Variants in MSH3 observed in about 807,000 individuals in gnomAD.
MSH3 encodes the protein mutS homolog 3.
In MSH3, 106 loss-of-function variants were observed where a neutral mutation model predicts 123.3. The ratio of observed to expected loss-of-function variants is 0.86; its 90% confidence interval spans 0.73 to 1.01. MSH3 has a LOEUF of 1.01. MSH3 is among the 50% of genes least tolerant of loss of function. The probability of loss-of-function intolerance (pLI) is 0.00; values close to 1 mark genes in which losing one functional copy is unlikely to be tolerated. For synonymous variants in MSH3, 515 were observed against 481.4 expected, an observed-to-expected ratio of 1.07 and a Z score of -0.91; for missense variants, 1,459 against 1,347.6, an observed-to-expected ratio of 1.08 and a Z score of -1.29.
At chr5:80,670,392 C>T in intron 4 of MSH3, 83 bp downstream of exon 4, 1 of 1,379,026 alleles carries the variant, frequency 7.3e-7, no homozygotes, top group East Asian at 2.4e-5. Flanking sequence ...CATTTTCTGA[C>T]CTTATATAAA....
chr5:80,765,736 A>G (rs1163125581), intron 13 of MSH3, among the ~76,000 whole-genome samples: 3 of 151,746 alleles, frequency 2.0e-5, no homozygotes, highest in African/African-American at 7.3e-5. Flanking sequence ...GATTCCCTTT[A>G]CTTCCCTTGA....
At position 80,876,105 on chromosome 5, in the gene MSH3, G is replaced by C. The variant is rs1338088813; in HGVS notation, c.*243G>C. 2 of 486,058 alleles carry C rather than the reference G, an allele frequency of 4.1e-6. No homozygotes were observed. The highest frequency in any genetic ancestry group is 7.3e-6 in the Non-Finnish European group (2 of 274,270). 30.1% of individuals were successfully genotyped at this position (486,058 alleles called of 1,614,324 possible). A position where few individuals can be genotyped will look rare whatever the true frequency, so the allele number is the denominator to read the frequency against. On this transcript the variant is annotated 3_prime_UTR_variant, in exon 24 of 24. Transcript: ENST00000265081. ...CACTTTGTAATTAGAAAATTTTATG[G>C]ACAGTAAGTCCAGTAAAGCCTTAAG...
chr5:80,783,701 G>A (rs1351394322), intron 17 of MSH3, among the ~76,000 whole-genome samples: 1 of 152,090 alleles, frequency 6.6e-6, no homozygotes, highest in Non-Finnish European at 1.5e-5. Context: ...ACCTGGGCAG[G>A]ACCTGAGAAG....
intron 21 of MSH3, among the ~76,000 whole-genome samples, chr5:80,856,154 G>A (rs55928960): frequency 0.13 from 19,106 of 151,890 alleles, 1,531 homozygotes; most frequent in East Asian, 0.35. Context: ...CAAAGTTCTG[G>A]GATTATAGGC....
At chr5:80,740,219 ATT>A (rs1218130373) in intron 10 of MSH3, among the ~76,000 whole-genome samples, 1 of 152,222 alleles carries the variant, frequency 6.6e-6, no homozygotes, top group Non-Finnish European at 1.5e-5. Flanking sequence ...TCTTTTTGAA[ATT>A]TATTGAACTT....
chr5:80,805,998 C>T (rs1744883770), intron 19 of MSH3, among the ~76,000 whole-genome samples: 1 of 152,166 alleles, frequency 6.6e-6, no homozygotes, highest in Non-Finnish European at 1.5e-5. Context: ...GAAATTATTT[C>T]AATCCCTGAG....
intron 8 of MSH3, among the ~76,000 whole-genome samples, chr5:80,725,158 G>A (rs1411702411): frequency 6.8e-6 from 1 of 146,968 alleles, no homozygotes; most frequent in Admixed American, 6.9e-5. Flanking sequence ...AGCTTGCAGT[G>A]AGCTGAGATT....
intron 2 of MSH3, among the ~76,000 whole-genome samples, 196 bp downstream of exon 2, chr5:80,656,727 C>G (rs553634223): frequency 1.3e-5 from 2 of 152,158 alleles, no homozygotes; most frequent in Non-Finnish European, 2.9e-5. Context: ...AGCTACAATT[C>G]TGCAATTTAG....
intron 12 of MSH3, among the ~76,000 whole-genome samples, chr5:80,751,687 G>A (rs770853909): frequency 1.3e-5 from 2 of 152,090 alleles, no homozygotes; most frequent in Non-Finnish European, 2.9e-5. Flanking sequence ...TATTGGATTA[G>A]GGGTCTACCC....
intron 2 of MSH3, among the ~76,000 whole-genome samples, chr5:80,661,768 C>T (rs1749439759): frequency 6.6e-6 from 1 of 152,158 alleles, no homozygotes; most frequent in African/African-American, 2.4e-5. Context: ...GTGTTGTCTC[C>T]TGCTGGAGTT....
At chr5:80,777,342 G>T (rs1744324397) in intron 16 of MSH3, among the ~76,000 whole-genome samples, 1 of 151,824 alleles carries the variant, frequency 6.6e-6, no homozygotes, top group Admixed American at 6.6e-5. Context: ...GTTGATTCTA[G>T]GGGATGTTTT....
intron 20 of MSH3, among the ~76,000 whole-genome samples, chr5:80,824,316 G>A (rs1454105949): frequency 4.6e-5 from 7 of 151,586 alleles, no homozygotes; most frequent in Admixed American, 6.6e-5. Context: ...GCGGCTGGGC[G>A]GAGGCGCCCC....
chr5:80,710,039 C>T (rs1283551651), intron 8 of MSH3, among the ~76,000 whole-genome samples: 5 of 152,226 alleles, frequency 3.3e-5, no homozygotes, highest in African/African-American at 9.7e-5. Flanking sequence ...CACTTCTTTT[C>T]CTTTGAGCAC....
In MSH3 at chr5:80,672,767, T is replaced by C. The variant is rs747974815; in HGVS notation, c.936T>C (p.Thr312=). ...TGGGAGTTGTGAAGCAAACTGAAACTGCAGCATTAAAGGCCATTGGAGACA... is the reference window on the plus strand; with the variant it reads ...TGGGAGTTGTGAAGCAAACTGAAACCGCAGCATTAAAGGCCATTGGAGACA... ...YKVGVVKQTE[T]AALKAIGDNR... is the part of the protein sequence containing the mutation. Residue 312 remains threonine (T), a synonymous_variant, in exon 6 of 24, where the codon ACT becomes ACC. Coordinates refer to ENST00000265081, the MANE Select transcript of MSH3 (RefSeq NM_002439.5). 1 of 1,614,152 alleles carries C rather than the reference T, an allele frequency of 6.2e-7. No individual in the cohort carries two copies. Among genetic ancestry groups the C allele is most frequent in the Admixed American group, 1.7e-5 (1 of 60,022 alleles).
chr5:80,693,618 CACAT>C (rs1022958232), intron 8 of MSH3, among the ~76,000 whole-genome samples: 15 of 97,752 alleles, frequency 1.5e-4, no homozygotes, highest in Non-Finnish European at 2.4e-4. Flanking sequence ...TATACACACA[CACAT>C]ATACACACAC....
At chr5:80,680,306 A>G (rs1303385213) in intron 8 of MSH3, among the ~76,000 whole-genome samples, 2 of 151,688 alleles carry the variant, frequency 1.3e-5, no homozygotes, top group East Asian at 3.9e-4. Flanking sequence ...GTGAAGTTCC[A>G]TATGTTTCTT....
chr5:80,752,390 GTA>G (rs1377339959), intron 12 of MSH3, among the ~76,000 whole-genome samples: 1 of 152,016 alleles, frequency 6.6e-6, no homozygotes, highest in Non-Finnish European at 1.5e-5. Context: ...TTTTTTATCT[GTA>G]TTTTTTTCAG....
intron 20 of MSH3, among the ~76,000 whole-genome samples, chr5:80,817,583 T>A (rs972267289): frequency 1.3e-5 from 2 of 152,160 alleles, no homozygotes; most frequent in African/African-American, 4.8e-5. Context: ...ATTAATTAAT[T>A]AATCACCTTT....
intron 20 of MSH3, among the ~76,000 whole-genome samples, chr5:80,825,385 T>C (rs1252011413): frequency 6.6e-6 from 1 of 152,154 alleles, no homozygotes; most frequent in Non-Finnish European, 1.5e-5. Context: ...AGTGGCTTTT[T>C]CCCCCCTCAG....
Sources: allele counts gnomAD v4.1 joint callset (sites outside exome capture counted in the v4.1 genomes callset), GRCh38; gene constraint gnomAD v4.1.1; transcripts MANE v1.5; gene names NCBI Gene and HGNC (gene_info 2026-07-23, HGNC 2026-07-21).